NINJ2: variants seen among roughly 807,000 people sequenced by gnomAD.
NINJ2 encodes ninjurin 2, also known as ninjurin-2.
NINJ2 carries 12 observed loss-of-function variants against 11.7 expected under a neutral mutation model. The ratio of observed to expected loss-of-function variants is 1.02; its 90% CI spans 0.66 to 1.66. NINJ2 has a LOEUF of 1.66. NINJ2 is among the 40% of genes most tolerant of loss of function. The pLI, the probability that NINJ2 is intolerant of heterozygous loss-of-function variation, is 0.00. For synonymous variants in NINJ2, 93 were observed against 76.8 expected (o/e 1.21, Z -1.10); for missense variants, 187 against 181.8 (o/e 1.03, Z -0.16).
At chr12:598,979 C>T (rs964942764) in intron 1 of NINJ2, among the ~76,000 whole-genome samples, 3 of 151,706 alleles carry the variant, frequency 2.0e-5, no homozygotes, top group African/African-American at 4.8e-5. Flanking sequence ...GGATTACAGG[C>T]GTGAGTCACT....
chr12:598,765 T>C (rs1947823137), intron 1 of NINJ2, among the ~76,000 whole-genome samples: 1 of 152,108 alleles, frequency 6.6e-6, no homozygotes, highest in Non-Finnish European at 1.5e-5. Context: ...AGTGGCACAA[T>C]CACGGCTCAC....
intron 1 of NINJ2, among the ~76,000 whole-genome samples, chr12:641,991 G>A (rs1393647907): frequency 6.6e-6 from 1 of 152,140 alleles, no homozygotes; most frequent in African/African-American, 2.4e-5. Context: ...ACCACCTTTC[G>A]ACATGGTCCC....
At chr12:570,487 C>T (rs752255229) in intron 1 of NINJ2, among the ~76,000 whole-genome samples, 2 of 152,198 alleles carry the variant, frequency 1.3e-5, no homozygotes, top group African/African-American at 2.4e-5. Flanking sequence ...GTCAGGGTGA[C>T]AGAGGAGTGG....
intron 1 of NINJ2, among the ~76,000 whole-genome samples, chr12:626,895 G>A (rs891692111): frequency 4.6e-5 from 7 of 152,080 alleles, no homozygotes; most frequent in South Asian, 2.1e-4. Context: ...AGACCAGCCC[G>A]GGCAGCATAG....
intron 1 of NINJ2, among the ~76,000 whole-genome samples, chr12:638,067 T>A (rs1361745016): frequency 6.6e-6 from 1 of 152,206 alleles, no homozygotes; most frequent in African/African-American, 2.4e-5. Flanking sequence ...TACCAGAAGG[T>A]GGGAGTGGGA....
rs765690988 is a variant in NINJ2, at chr12:657,530, G to A, written c.33+5798C>T. Among the ~76,000 whole-genome samples, 8 of 152,046 alleles carry A rather than the reference G, an allele frequency of 5.3e-5. No homozygotes were observed. The East Asian group carries it at 5.8e-4, about 11-fold the overall frequency. On this transcript the variant is annotated intron_variant, in intron 1 of 3. Coordinates refer to ENST00000305108, the MANE Select transcript of NINJ2 (RefSeq NM_016533.6). The stretch of plus-strand genomic sequence containing the variant: ...CTTGAACCCGGGAAGCAGAGGTTGC[G>A]GTGAGCTGAGATCGGGCCACTGCAC...
intron 1 of NINJ2, chr12:590,625 C>T (rs2607925): frequency 0.39 from 59,087 of 152,208 alleles, 12,495 homozygotes; most frequent in Non-Finnish European, 0.49. Context: ...CTGCCCAGGG[C>T]GCCTGGAAGC....
At chr12:616,742 C>T (rs1395031200) in intron 1 of NINJ2, among the ~76,000 whole-genome samples, 18 of 152,172 alleles carry the variant, frequency 1.2e-4, no homozygotes, top group Admixed American at 1.2e-3. Context: ...CTCTCTTGTA[C>T]CTTTAAGATT....
intron 1 of NINJ2, among the ~76,000 whole-genome samples, chr12:653,008 T>C (rs969297349): frequency 6.9e-6 from 1 of 144,566 alleles, no homozygotes; most frequent in African/African-American, 2.5e-5. Context: ...TACAAAGTAA[T>C]ATTTTGTTTC....
At chr12:621,784 T>G (rs1425363216) in intron 1 of NINJ2, among the ~76,000 whole-genome samples, 1 of 138,466 alleles carries the variant, frequency 7.2e-6, no homozygotes, top group Non-Finnish European at 1.5e-5. Flanking sequence ...GCCACTGCAC[T>G]CCAGCCTGGT....
intron 1 of NINJ2, among the ~76,000 whole-genome samples, chr12:611,263 T>TCTCTC (rs1555165050): frequency 3.9e-4 from 49 of 126,456 alleles, no homozygotes; most frequent in African/African-American, 1.3e-3. Context: ...CTCTCTTTCT[T>TCTCTC]TCTTTCTTTC....
chr12:626,007 C>G (rs573846139), intron 1 of NINJ2, among the ~76,000 whole-genome samples: 31 of 152,316 alleles, frequency 2.0e-4, no homozygotes, highest in African/African-American at 7.0e-4. Context: ...GTAAGAGTTT[C>G]ATTAAATTTA....
At chr12:567,484 G>A (rs959525025) in intron 1 of NINJ2, among the ~76,000 whole-genome samples, 5 of 152,150 alleles carry the variant, frequency 3.3e-5, no homozygotes, top group Non-Finnish European at 2.9e-5. Flanking sequence ...CATGGATGAA[G>A]GGATGGATGG....
intron 1 of NINJ2, among the ~76,000 whole-genome samples, chr12:629,053 C>T (rs1039289509): frequency 2.6e-5 from 4 of 152,128 alleles, no homozygotes; most frequent in Admixed American, 2.0e-4. Context: ...TAGCCATTCT[C>T]GTGTTTCTTT....
chr12:573,582 C>CA (rs553806117), intron 1 of NINJ2, among the ~76,000 whole-genome samples: 93 of 150,622 alleles, frequency 6.2e-4, no homozygotes, highest in Middle Eastern at 3.4e-3. Flanking sequence ...CCATCTAAAA[C>CA]AAAAAAAACA....
chr12:572,978 T>A (rs1248878029), intron 1 of NINJ2, among the ~76,000 whole-genome samples: 2 of 146,192 alleles, frequency 1.4e-5, no homozygotes, highest in African/African-American at 2.6e-5. Flanking sequence ...TGCCTCAGCC[T>A]CCCGAGTAGC....
chr12:629,896 A>ATATATATAT (rs1555166136), intron 1 of NINJ2, among the ~76,000 whole-genome samples: 3 of 9,902 alleles, frequency 3.0e-4, no homozygotes, highest in African/African-American at 4.4e-4. Flanking sequence ...AAAAAAAAAA[A>ATATATATAT]ATATATATAT....
At chr12:569,980 C>T (rs960684237) in intron 1 of NINJ2, among the ~76,000 whole-genome samples, 7 of 152,108 alleles carry the variant, frequency 4.6e-5, no homozygotes, top group Non-Finnish European at 1.5e-5. Flanking sequence ...TGCCGGGGGG[C>T]GTTTCCACCC....
chr12:615,928 A>G (rs1565636595), intron 1 of NINJ2, among the ~76,000 whole-genome samples: 1 of 152,232 alleles, frequency 6.6e-6, no homozygotes, highest in Non-Finnish European at 1.5e-5. Flanking sequence ...GCTGAAAGGA[A>G]AAGTGAGGCA....
Sources: gnomAD v4.1 joint callset for allele counts (sites outside exome capture counted in the v4.1 genomes callset) on GRCh38, gnomAD v4.1.1 for gene constraint, MANE v1.5 for transcripts, NCBI Gene and HGNC (gene_info 2026-07-23, HGNC 2026-07-21) for gene names.